The following SYT1 variants were observed in gnomAD, a reference collection of about 807,000 sequenced individuals.
SYT1 encodes the protein synaptotagmin 1, also known as synaptotagmin-1.
Under a neutral mutation model 44.8 loss-of-function variants are expected in SYT1, and 8 were observed. That is an observed-to-expected ratio of 0.18 (90% CI 0.10 to 0.32). The LOEUF is 0.32. Ranked by LOEUF, SYT1 falls within the 10% of genes least tolerant of loss-of-function variation. The pLI, the probability that SYT1 is intolerant of heterozygous loss-of-function variation, is 1.00. For missense variants in SYT1, 286 were observed against 509.3 expected (o/e 0.56, Z 4.22); for synonymous variants, 154 against 188.8 (o/e 0.82, Z 1.51).
At chr12:79,229,007 A>T (rs1875700140) in intron 4 of SYT1, among the ~76,000 whole-genome samples, 1 of 152,206 alleles carries the variant, frequency 6.6e-6, no homozygotes, top group Admixed American at 6.5e-5. Context: ...TGTTTTGGTT[A>T]CCTGGGGTTT....
intron 3 of SYT1, among the ~76,000 whole-genome samples, chr12:79,180,914 G>C (rs537483681): frequency 6.6e-6 from 1 of 151,892 alleles, no homozygotes; most frequent in Admixed American, 6.6e-5. Context: ...TGAATCATGG[G>C]GGCAGTTACC....
chr12:79,069,624 T>C (rs1328252634), intron 3 of SYT1, among the ~76,000 whole-genome samples: 2 of 152,058 alleles, frequency 1.3e-5, no homozygotes, highest in African/African-American at 4.8e-5. Context: ...GAAAGATGGC[T>C]ACTAACTATG....
chr12:79,388,094 G>A (rs925518602), intron 9 of SYT1, among the ~76,000 whole-genome samples: 1 of 152,104 alleles, frequency 6.6e-6, no homozygotes, highest in Non-Finnish European at 1.5e-5. Context: ...ATGTCATTTT[G>A]TTCAATTAAA....
intron 1 of SYT1, among the ~76,000 whole-genome samples, chr12:78,898,559 A>G (rs988335701): frequency 1.3e-5 from 2 of 152,186 alleles, no homozygotes; most frequent in African/African-American, 2.4e-5. Flanking sequence ...TAGACCAACA[A>G]TCCATCAAGA....
intron 2 of SYT1, among the ~76,000 whole-genome samples, chr12:79,018,838 T>C (rs920202528): frequency 6.6e-6 from 1 of 152,096 alleles, no homozygotes; most frequent in Non-Finnish European, 1.5e-5. Flanking sequence ...TTAGTAGTTA[T>C]AAAATTTTGT....
chr12:79,101,262 G>A (rs1878429305), intron 3 of SYT1, among the ~76,000 whole-genome samples: 1 of 152,070 alleles, frequency 6.6e-6, no homozygotes, highest in Non-Finnish European at 1.5e-5. Context: ...ACAAAATGTG[G>A]TATAACCGTA....
intron 3 of SYT1, among the ~76,000 whole-genome samples, chr12:79,195,757 T>C (rs1033385658): frequency 6.6e-6 from 1 of 152,220 alleles, no homozygotes; most frequent in African/African-American, 2.4e-5. Context: ...GATCTGCCTT[T>C]CTTTGCAGTC....
At chr12:79,045,128 T>G (rs1873920199) in intron 2 of SYT1, among the ~76,000 whole-genome samples, 1 of 152,152 alleles carries the variant, frequency 6.6e-6, no homozygotes, top group Non-Finnish European at 1.5e-5. Context: ...GCAGGCCTCC[T>G]TGAGCTGTGG....
intron 1 of SYT1, among the ~76,000 whole-genome samples, chr12:78,890,794 C>T (rs1451788660): frequency 6.6e-6 from 1 of 151,844 alleles, no homozygotes; most frequent in Non-Finnish European, 1.5e-5. Context: ...ATTTCTGTTA[C>T]CTCCAATCTA....
intron 9 of SYT1, among the ~76,000 whole-genome samples, chr12:79,377,285 G>T (rs1884036406): frequency 6.6e-6 from 1 of 152,056 alleles, no homozygotes; most frequent in African/African-American, 2.4e-5. Context: ...CTAATTTTTT[G>T]TATTTTCAGT....
At chr12:79,262,896 C>T (rs1877908660) in intron 4 of SYT1, among the ~76,000 whole-genome samples, 1 of 152,080 alleles carries the variant, frequency 6.6e-6, no homozygotes, top group Admixed American at 6.6e-5. Flanking sequence ...AAAAAAGCAG[C>T]TCACAAAAAA....
At chr12:79,348,998 GGAAAGAAAGAAAGAAAGAAAGAAA>G (rs71865653) in intron 8 of SYT1, among the ~76,000 whole-genome samples, 1 of 125,340 alleles carries the variant, frequency 8.0e-6, no homozygotes, top group Non-Finnish European at 1.6e-5. Context: ...AAAGAGAGAA[GGAAAGAAAGAAAGAAAGAAAGAAA>G]GAAAGAAAGA....
intron 1 of SYT1, among the ~76,000 whole-genome samples, chr12:78,944,377 C>A (rs546577051): frequency 2.0e-5 from 3 of 151,780 alleles, no homozygotes; most frequent in Non-Finnish European, 1.5e-5. Flanking sequence ...AAGTAAGTTA[C>A]TACAAACAAC....
chr12:79,247,066 C>T (rs185380609), intron 4 of SYT1, among the ~76,000 whole-genome samples: 88 of 152,054 alleles, frequency 5.8e-4, no homozygotes, highest in African/African-American at 2.1e-3. Flanking sequence ...TTTTTTTAAT[C>T]TAGAAATTTT....
At chr12:79,061,939 C>A (rs1214483771) in intron 3 of SYT1, among the ~76,000 whole-genome samples, 2 of 151,998 alleles carry the variant, frequency 1.3e-5, no homozygotes, top group Non-Finnish European at 2.9e-5. Flanking sequence ...TCTGTAGAAG[C>A]CTTAGTAATA....
intron 2 of SYT1, among the ~76,000 whole-genome samples, chr12:79,031,608 A>G (rs1357840098): frequency 2.0e-5 from 3 of 151,096 alleles, no homozygotes; most frequent in African/African-American, 7.3e-5. Context: ...CTATTATGTA[A>G]CTTTCATATT....
intron 3 of SYT1, among the ~76,000 whole-genome samples, chr12:79,054,699 A>T (rs1337590991): frequency 1.3e-5 from 2 of 151,940 alleles, no homozygotes; most frequent in African/African-American, 4.8e-5. Flanking sequence ...TAAATAAAGT[A>T]TAGTCTCTGT....
intron 9 of SYT1, among the ~76,000 whole-genome samples, chr12:79,384,861 A>G (rs1390469916): frequency 6.6e-6 from 1 of 152,026 alleles, no homozygotes; most frequent in Non-Finnish European, 1.5e-5. Context: ...TATGTTCCTG[A>G]TCTGTTTATG....
At chr12:79,050,584 ATAT>A (rs1874405434) in intron 3 of SYT1, among the ~76,000 whole-genome samples, 1 of 152,028 alleles carries the variant, frequency 6.6e-6, no homozygotes, top group Non-Finnish European at 1.5e-5. Context: ...GAAACTCTTC[ATAT>A]TATCCTAGAT....
Sources: gnomAD v4.1 joint callset for allele counts (sites outside exome capture counted in the v4.1 genomes callset) on GRCh38, gnomAD v4.1.1 for gene constraint, MANE v1.5 for transcripts, NCBI Gene and HGNC (gene_info 2026-07-23, HGNC 2026-07-21) for gene names.